The following TAS2R1 variants were observed in gnomAD, a reference collection of about 807,000 sequenced individuals.
The protein encoded by TAS2R1 is taste receptor type 2 member 1.
For missense variants in TAS2R1, 370 were observed against 353.4 expected, an observed-to-expected ratio of 1.05 and a Z score of -0.38; for synonymous variants, 141 against 134.2, an observed-to-expected ratio of 1.05 and a Z score of -0.35.
At chr5:9,867,363 G>A in the TAS2R1 span, among the ~76,000 whole-genome samples, 20 of 152,216 alleles carry the variant, frequency 1.3e-4, no homozygotes, top group African/African-American at 4.8e-4. Flanking sequence ...CTCACAGTTC[G>A]GCATGGCTGG....
the TAS2R1 span, among the ~76,000 whole-genome samples, chr5:9,804,282 A>C: frequency 6.6e-6 from 1 of 152,294 alleles, no homozygotes; most frequent in South Asian, 2.1e-4. Context: ...ATTGATGGCA[A>C]CATAATAACA....
intron 1 of TAS2R1, among the ~76,000 whole-genome samples, chr5:9,665,544 G>A (rs1262184368): frequency 6.6e-6 from 1 of 152,218 alleles, no homozygotes; most frequent in African/African-American, 2.4e-5. Flanking sequence ...TTTGTACCAT[G>A]TCCTGCTTCC....
the TAS2R1 span, among the ~76,000 whole-genome samples, chr5:9,755,389 A>C: frequency 8.2e-4 from 125 of 151,996 alleles, no homozygotes; most frequent in African/African-American, 2.9e-3. Context: ...GGAGTTTGGG[A>C]CCAGCCTGGG....
the TAS2R1 span, among the ~76,000 whole-genome samples, chr5:9,867,427 A>G: frequency 2.3e-3 from 344 of 152,322 alleles, 3 homozygotes; most frequent in African/African-American, 7.8e-3. Context: ...AATGTCTTAA[A>G]TGGTGGCAGG....
At chr5:9,696,424 T>C (rs184323244) in intron 1 of TAS2R1, among the ~76,000 whole-genome samples, 26 of 152,032 alleles carry the variant, frequency 1.7e-4, no homozygotes, top group Admixed American at 4.6e-4. Context: ...TAGCCAGGCG[T>C]GGTGGCACGT....
At chr5:9,654,958 C>T (rs1037282680) in intron 2 of TAS2R1, among the ~76,000 whole-genome samples, 1 of 152,158 alleles carries the variant, frequency 6.6e-6, no homozygotes, top group Non-Finnish European at 1.5e-5. Flanking sequence ...TATAAAAATG[C>T]TCACAGTAGC....
At chr5:9,643,000 CCTTT>C (rs1740117598) in intron 2 of TAS2R1, among the ~76,000 whole-genome samples, 1 of 151,500 alleles carries the variant, frequency 6.6e-6, no homozygotes, top group Non-Finnish European at 1.5e-5. Context: ...CTCCTTCTTT[CCTTT>C]CTTTCCTTTT....
the TAS2R1 span, chr5:9,889,820 AC>A: frequency 6.6e-6 from 1 of 152,240 alleles, no homozygotes; most frequent in African/African-American, 2.4e-5. Flanking sequence ...AAGAGAGCCA[AC>A]AAGGACTCCG....
chr5:9,665,291 T>C (rs1740609936), intron 1 of TAS2R1, among the ~76,000 whole-genome samples: 1 of 152,212 alleles, frequency 6.6e-6, no homozygotes, highest in Admixed American at 6.5e-5. Context: ...TGCGATAACA[T>C]CGAGGCCATC....
At chr5:9,843,920 T>C in the TAS2R1 span, among the ~76,000 whole-genome samples, 1 of 152,238 alleles carries the variant, frequency 6.6e-6, no homozygotes, top group Non-Finnish European at 1.5e-5. Flanking sequence ...TTTTGTTGGC[T>C]GTCTGCTAGA....
chr5:9,878,332 G>A, the TAS2R1 span, among the ~76,000 whole-genome samples: 7 of 152,094 alleles, frequency 4.6e-5, no homozygotes, highest in Admixed American at 1.3e-4. Context: ...TAGCACCCCC[G>A]CCCAGGACTG....
chr5:9,783,662 T>C, the TAS2R1 span, among the ~76,000 whole-genome samples: 1 of 152,266 alleles, frequency 6.6e-6, no homozygotes, highest in Non-Finnish European at 1.5e-5. Flanking sequence ...AATAAGAATA[T>C]TTCAATCTTT....
the TAS2R1 span, among the ~76,000 whole-genome samples, chr5:9,740,199 G>A: frequency 3.9e-5 from 6 of 152,262 alleles, no homozygotes; most frequent in East Asian, 5.8e-4. Context: ...GGATTTGTCC[G>A]AAAGGTGTTC....
the TAS2R1 span, among the ~76,000 whole-genome samples, chr5:9,782,167 C>A: frequency 6.6e-6 from 1 of 152,358 alleles, no homozygotes; most frequent in South Asian, 2.1e-4. Flanking sequence ...GCCCCTCCAG[C>A]AGTCCATGCA....
At chr5:9,754,808 G>C in the TAS2R1 span, among the ~76,000 whole-genome samples, 1 of 152,116 alleles carries the variant, frequency 6.6e-6, no homozygotes, top group Non-Finnish European at 1.5e-5. Flanking sequence ...CGTGAAAATG[G>C]CCATACTGCC....
chr5:9,669,666 G>A (rs1320974894), intron 1 of TAS2R1, among the ~76,000 whole-genome samples: 1 of 152,094 alleles, frequency 6.6e-6, no homozygotes, highest in Non-Finnish European at 1.5e-5. Context: ...TGACTTTTGG[G>A]TGAACAATGA....
At chr5:9,710,512 GAAAT>G (rs1354709931) in intron 1 of TAS2R1, among the ~76,000 whole-genome samples, 1 of 152,186 alleles carries the variant, frequency 6.6e-6, no homozygotes, top group Non-Finnish European at 1.5e-5. Context: ...AAGATAGACT[GAAAT>G]ATCTCTAGTA....
chr5:9,769,567 A>G, the TAS2R1 span, among the ~76,000 whole-genome samples: 1 of 152,174 alleles, frequency 6.6e-6, no homozygotes, highest in Non-Finnish European at 1.5e-5. Context: ...CATCTTTGCC[A>G]GAATTTGTTA....
intron 1 of TAS2R1, among the ~76,000 whole-genome samples, chr5:9,709,909 T>C (rs563900958): frequency 2.0e-5 from 3 of 152,258 alleles, no homozygotes; most frequent in Non-Finnish European, 4.4e-5. Flanking sequence ...CAGTGATAGA[T>C]AATGAATTCA....
Sources: allele counts gnomAD v4.1 joint callset (sites outside exome capture counted in the v4.1 genomes callset), GRCh38; gene constraint gnomAD v4.1.1; transcripts MANE v1.5; gene names NCBI Gene and HGNC (gene_info 2026-07-23, HGNC 2026-07-21).